ADORA2A: variants seen among roughly 807,000 people sequenced by gnomAD.
The protein encoded by ADORA2A is adenosine A2a receptor.
ADORA2A carries 11 observed loss-of-function variants against 18.4 expected under a neutral mutation model. That is an observed-to-expected ratio of 0.60 (90% confidence interval 0.38 to 0.99). The LOEUF (loss-of-function observed/expected upper bound fraction) is 0.99, where lower values mean the gene tolerates loss of function less well. Ranked by LOEUF, ADORA2A falls within the 50% of genes least tolerant of loss-of-function variation. The probability of loss-of-function intolerance (pLI) is 0.01; values close to 1 mark genes in which losing one functional copy is unlikely to be tolerated. For missense variants in ADORA2A, 449 were observed against 556.1 expected, an observed-to-expected ratio of 0.81 and a Z score of 1.94; for synonymous variants, 218 against 237.3, an observed-to-expected ratio of 0.92 and a Z score of 0.75.
In ADORA2A at chr22:24,440,629, A is replaced by G. The variant is rs1469831661; in HGVS notation, c.379A>G (p.Ile127Val). Residue 127 changes from isoleucine to valine, a missense_variant, in exon 3 of 3, where the codon ATC becomes GTC. Physicochemically the swap from Ile to Val is conservative, Grantham distance 29 (BLOSUM62 3). Transcript: ENST00000337539. ...CACGAGGGCTAAGGGCATCATTGCC[A>G]TCTGCTGGGTGCTGTCGTTTGCCAT... ...TGTRAKGIIAICWVLSFAIGL... is the reference protein window; with the variant it reads ...TGTRAKGIIAVCWVLSFAIGL... 3 of 1,595,196 alleles carry G rather than the reference A, an allele frequency of 1.9e-6. No homozygotes were observed. Among genetic ancestry groups the G allele is most frequent in the Non-Finnish European group, 2.6e-6 (3 of 1,168,242 alleles).
At chr22:24,440,501 G>C in intron 2 of ADORA2A, 82 bp from the exon 3 acceptor site, 1 of 1,358,938 alleles carries the variant, frequency 7.4e-7, no homozygotes, top group South Asian at 1.4e-5. Context: ...ATGTGGAAAC[G>C]GGTGCTGCTC....
chr22:24,424,413 G>C (rs549651090), upstream of ADORA2A: 12 of 152,304 alleles, frequency 7.9e-5, no homozygotes, highest in Admixed American at 7.8e-4. The surrounding 1 kb of genome is among the most constrained non-coding windows in gnomAD (Gnocchi z 4.9). Flanking sequence ...CCGGCCCCGC[G>C]CGCTCGCATG....
Position 24,433,491 on chromosome 22 carries a change from G to C in ADORA2A, c.87G>C (p.Trp29Cys). The C allele has an allele frequency of 3.1e-6, 5 of 1,614,162 alleles. No homozygotes were observed. Among genetic ancestry groups the C allele is most frequent in the Non-Finnish European group, 4.2e-6 (5 of 1,180,048 alleles). The change falls in exon 2 of 3, where the codon TGG (tryptophan) becomes TGC (cysteine). Residue 29 changes from tryptophan (W) to cysteine (C), a missense_variant. Transcript: ENST00000337539. ...TCCTGGGCAATGTGCTGGTGTGCTG[G>C]GCCGTGTGGCTCAACAGCAACCTGC... ...LAILGNVLVC[W>C]AVWLNSNLQN...
Position 24,441,600 on chromosome 22 carries a change from C to T in ADORA2A, c.*111C>T. ...GAGTGCCAGGAGACCCTGAGGGCAG[C>T]CGGTTCCTACTTTGGACTGAGAGAA... On this transcript the variant is annotated 3_prime_UTR_variant, in exon 3 of 3. Coordinates refer to ENST00000337539, the MANE Select transcript of ADORA2A (RefSeq NM_000675.6). The T allele has an allele frequency of 8.7e-7, 1 of 1,149,228 alleles. No individual in the cohort carries two copies. Among genetic ancestry groups the T allele is most frequent in the Non-Finnish European group, 1.2e-6 (1 of 867,240 alleles). The allele number at this position is 1,149,228 out of a possible 1,614,324, so 71.2% of individuals were successfully genotyped here.
intron 2 of ADORA2A, chr22:24,438,490 C>G (rs2043234685): frequency 6.6e-6 from 1 of 152,218 alleles, no homozygotes; most frequent in African/African-American, 2.4e-5. Flanking sequence ...TTGCGAGTCC[C>G]ACAGGAGGCA....
chr22:24,441,609 A>C lies in ADORA2A; in HGVS notation c.*120A>C. 1 of 1,069,098 alleles carries C rather than the reference A, an allele frequency of 9.4e-7. No homozygotes were observed. The highest frequency in any genetic ancestry group is 1.3e-6 in the Non-Finnish European group (1 of 798,800). The allele number at this position is 1,069,098 out of a possible 1,614,324, so 66.2% of individuals were successfully genotyped here. ...GAGACCCTGAGGGCAGCCGGTTCCTACTTTGGACTGAGAGAAGGGAGCCCC... is the reference window on the plus strand; with the variant it reads ...GAGACCCTGAGGGCAGCCGGTTCCTCCTTTGGACTGAGAGAAGGGAGCCCC... On this transcript the variant is annotated 3_prime_UTR_variant, in exon 3 of 3. Coordinates refer to ENST00000337539, the MANE Select transcript of ADORA2A (RefSeq NM_000675.6).
chr22:24,428,164 T>A (rs539744334), intron 1 of ADORA2A, among the ~76,000 whole-genome samples: 1 of 152,128 alleles, frequency 6.6e-6, no homozygotes, highest in Non-Finnish European at 1.5e-5. Context: ...GGAAGGGGTA[T>A]GGGGATCCTG....
rs200614494 is a variant in ADORA2A, at chr22:24,441,405, C to A, written c.1155C>A (p.Leu385=). The change falls in exon 3 of 3, where the codon CTC becomes CTA. Residue 385 remains leucine, a synonymous_variant. Coordinates refer to ENST00000337539, the MANE Select transcript of ADORA2A (RefSeq NM_000675.6). The stretch of plus-strand genomic sequence containing the variant: ...ACACGGGCCTCCCAGACGTGGAGCT[C>A]CTTAGCCATGAGCTCAAGGGAGTGT... The part of the protein sequence containing the change: ...QGNTGLPDVE[L]LSHELKGVCP... 1.3e-6 allele frequency: 2 copies of A among 1,554,948 alleles called. No individual in the cohort carries two copies. The highest frequency in any genetic ancestry group is 1.7e-6 in the Non-Finnish European group (2 of 1,152,802).
chr22:24,431,582 G>A (rs1215121023), intron 1 of ADORA2A: 3 of 437,658 alleles, frequency 6.9e-6, no homozygotes, highest in South Asian at 1.6e-5. Context: ...AGAGAGAGAC[G>A]AGGTGGCTGC....
intron 2 of ADORA2A, among the ~76,000 whole-genome samples, chr22:24,439,072 CT>C (rs3032740): frequency 1.2e-3 from 90 of 73,086 alleles, no homozygotes; most frequent in Middle Eastern, 8.8e-3. Context: ...CCCCTTGCAC[CT>C]TTTTTTTTTT....
chr22:24,434,622 C>T (rs1458284382), intron 2 of ADORA2A, among the ~76,000 whole-genome samples: 2 of 152,162 alleles, frequency 1.3e-5, no homozygotes, highest in Non-Finnish European at 2.9e-5. Context: ...GGCCCTGAGG[C>T]CATGTATGAG....
At position 24,433,462 on chromosome 22, in the gene ADORA2A, G is replaced by A; in HGVS notation, c.58G>A (p.Ala20Thr). 1 of 1,614,094 alleles carries A rather than the reference G, an allele frequency of 6.2e-7. No homozygotes were observed. Among genetic ancestry groups the A allele is most frequent in the Non-Finnish European group, 8.5e-7 (1 of 1,180,014 alleles). Residue 20 changes from alanine (A) to threonine (T), a missense_variant, in exon 2 of 3, where the codon GCC (alanine) becomes ACC (threonine). By Grantham distance (58) the Ala-to-Thr change is moderately conservative. Transcript: ENST00000337539. The stretch of plus-strand genomic sequence containing the variant: ...GGTGGAGCTGGCCATTGCTGTGCTG[G>A]CCATCCTGGGCAATGTGCTGGTGTG... Reference protein sequence around the residue: ...ITVELAIAVLAILGNVLVCWA... With the variant: ...ITVELAIAVLTILGNVLVCWA...
intron 2 of ADORA2A, chr22:24,438,878 A>G (rs1263513049): frequency 6.6e-6 from 1 of 152,096 alleles, no homozygotes; most frequent in East Asian, 1.9e-4. Flanking sequence ...CCAGAAAATC[A>G]TCTCCCCAGC....
intron 2 of ADORA2A, among the ~76,000 whole-genome samples, chr22:24,439,805 G>T (rs1216033803): frequency 6.6e-6 from 1 of 152,094 alleles, no homozygotes; most frequent in African/African-American, 2.4e-5. Flanking sequence ...GCAGATTACT[G>T]TCCCCCTGGA....
At position 24,441,665 on chromosome 22, in the gene ADORA2A, G is replaced by A. The variant is rs2043347569; in HGVS notation, c.*176G>A. ...GGAGCAGCATGAGGCCCAGCAAGAA[G>A]GGCTTGGGTTCTGAGGAAGCAGATG... On this transcript the variant is annotated 3_prime_UTR_variant, in exon 3 of 3. Transcript: ENST00000337539. The A allele has an allele frequency of 3.5e-6, 2 of 575,274 alleles. No individual in the cohort carries two copies. The highest frequency in any genetic ancestry group is 5.5e-6 in the Non-Finnish European group (2 of 364,946). The allele number at this position is 575,274 out of a possible 1,614,324, so 35.6% of individuals were successfully genotyped here.
Position 24,433,393 on chromosome 22 carries a change from T to G in ADORA2A, c.-12T>G. The G allele has an allele frequency of 4.4e-6, 7 of 1,602,372 alleles. No homozygotes were observed. The highest frequency in any genetic ancestry group is 6.0e-6 in the Non-Finnish European group (7 of 1,174,902). On this transcript the variant is annotated 5_prime_UTR_variant, in exon 2 of 3. Coordinates refer to ENST00000337539, the MANE Select transcript of ADORA2A (RefSeq NM_000675.6). ...CCCGCGTCCGTGCTGAGCCTGCCTG[T>G]CGTCTGTGGCCATGCCCATCATGGG...
chr22:24,426,809 G>A (rs1032840215), upstream of ADORA2A, among the ~76,000 whole-genome samples: 1 of 152,128 alleles, frequency 6.6e-6, no homozygotes, highest in African/African-American at 2.4e-5. Flanking sequence ...CCCTGGCTTC[G>A]GGCATTTTCT....
intron 1 of ADORA2A, chr22:24,429,357 C>CT: frequency 6.6e-6 from 1 of 152,390 alleles, no homozygotes; most frequent in Admixed American, 6.5e-5. Context: ...CATGTGTCCC[C>CT]TGTCTGTATG....
intron 1 of ADORA2A, among the ~76,000 whole-genome samples, chr22:24,428,062 G>T (rs1028144554): frequency 6.6e-6 from 1 of 152,200 alleles, no homozygotes; most frequent in Non-Finnish European, 1.5e-5. Flanking sequence ...AAGGGCCACC[G>T]GGCAGCCCCG....
Sources: gnomAD v4.1 joint callset for allele counts (sites outside exome capture counted in the v4.1 genomes callset) on GRCh38, gnomAD v4.1.1 for gene constraint, Gnocchi (gnomAD v3.1) non-coding constraint, MANE v1.5 for transcripts, NCBI Gene and HGNC (gene_info 2026-07-23, HGNC 2026-07-21) for gene names.